Variants in METTL17 observed in about 807,000 individuals in gnomAD.
The protein encoded by METTL17 is methyltransferase like 17.
Under a neutral mutation model 59.4 loss-of-function variants are expected in METTL17, and 49 were observed. That is an observed-to-expected ratio of 0.82 (90% CI 0.66 to 1.05). METTL17 has a LOEUF of 1.05. Among genes scored for constraint, METTL17 ranks in the 50% least tolerant of loss-of-function variants. The pLI, the probability that METTL17 is intolerant of heterozygous loss-of-function variation, is 0.00. For missense variants in METTL17, 555 were observed against 578.4 expected (o/e 0.96, Z 0.41); for synonymous variants, 208 against 209.2 (o/e 0.99, Z 0.05).
rs746844600 is a variant in METTL17, at chr14:20,992,618, A to G, written c.524A>G (p.His175Arg). 1.7e-5 allele frequency: 28 copies of G among 1,613,190 alleles called. No individual in the cohort carries two copies. Among genetic ancestry groups the G allele is most frequent in the East Asian group, 8.9e-5 (4 of 44,890 alleles). The change falls in exon 5 of 14, where the codon CAT (histidine) becomes CGT (arginine). Residue 175 changes from histidine (H) to arginine (R), a missense_variant. Coordinates refer to ENST00000339374, the MANE Select transcript of METTL17 (RefSeq NM_022734.3). ...TTTGCAGCAGTCTCCAGAGCATTCC[A>G]TGAGGTGAAAGTCCCTTAACTTCCA... ...GGFAAVSRAF[H>R]EIRARNPAFQ...
intron 5 of METTL17, 125 bp from the exon 6 acceptor site, chr14:20,992,993 T>C (rs1880120836): frequency 1.3e-6 from 1 of 797,964 alleles, no homozygotes; most frequent in African/African-American, 1.7e-5. Context: ...CCATAAGGTA[T>C]TTGTATTGAA....
At chr14:20,994,462 G>A (rs1880239771) in intron 7 of METTL17, 81 bp from the exon 8 acceptor site, 4 of 1,184,504 alleles carry the variant, frequency 3.4e-6, no homozygotes, top group Non-Finnish European at 3.8e-6. Context: ...TATTCTTGGG[G>A]CCATGTTTCT....
chr14:20,995,709 C>T, intron 10 of METTL17, 192 bp from the exon 11 acceptor site: 1 of 584,044 alleles, frequency 1.7e-6, no homozygotes, highest in Non-Finnish European at 3.1e-6. Flanking sequence ...CAAGTTCTTG[C>T]CTTTCTCCTG....
At chr14:20,994,130 T>C in intron 7 of METTL17, 67 bp downstream of exon 7, 3 of 1,175,256 alleles carry the variant, frequency 2.6e-6, no homozygotes, top group Non-Finnish European at 3.8e-6. Flanking sequence ...TAAAAGTGTT[T>C]TACTGGGAAG....
Position 20,995,915 on chromosome 14 carries a change from A to G in METTL17, c.960A>G (p.Ser320=), listed in dbSNP as rs150965334. 127 of 1,614,014 alleles carry G rather than the reference A, an allele frequency of 7.9e-5. 1 individual carries two copies. Among genetic ancestry groups the G allele is most frequent in the East Asian group, 1.3e-4 (6 of 44,876 alleles). ...TTTGATTTCAGGGAAAAGAGAAGTC[A>G]CCTTTGGACCCTCGACCTGGTTTTG... ...RDLVLKGKEK[S]PLDPRPGFVF... is the part of the protein sequence containing the mutation. Residue 320 remains serine, a synonymous_variant, in exon 11 of 14, where the codon TCA becomes TCG. Coordinates refer to ENST00000339374, the MANE Select transcript of METTL17 (RefSeq NM_022734.3).
chr14:20,990,244 A>T lies in METTL17; in HGVS notation c.90A>T (p.Leu30Phe). Residue 30 changes from leucine to phenylalanine, a missense_variant, in exon 2 of 14, where the codon TTA (leucine) becomes TTT (phenylalanine). Leu to Phe is a conservative substitution (Grantham distance 22, BLOSUM62 0). Transcript: ENST00000339374. Reference sequence around the variant, plus strand: ...TCTGCCTGCAGGCGCTCGCCGCCTTAGTACCCGGAGTGACCCAGGTAGATA... The same window carrying T: ...TCTGCCTGCAGGCGCTCGCCGCCTTTGTACCCGGAGTGACCCAGGTAGATA... ...VAPQARALAA[L>F]VPGVTQVDNK... 6.2e-7 allele frequency: 1 copy of T among 1,614,214 alleles called. No homozygotes were observed. Among genetic ancestry groups the T allele is most frequent in the Admixed American group, 1.7e-5 (1 of 60,034 alleles).
intron 7 of METTL17, 96 bp from the exon 8 acceptor site, chr14:20,994,447 T>G: frequency 9.5e-7 from 1 of 1,048,414 alleles, no homozygotes; most frequent in South Asian, 1.3e-5. Context: ...GATATACACT[T>G]TACCTATTCT....
chr14:20,993,387 T>TA, intron 6 of METTL17, 196 bp downstream of exon 6: 1 of 486,528 alleles, frequency 2.1e-6, no homozygotes, highest in Non-Finnish European at 3.6e-6. Context: ...AAATGTCAAG[T>TA]AAAAAAAGGC....
chr14:20,990,527 A>T lies in METTL17; in HGVS notation c.293A>T (p.His98Leu), dbSNP rs1425035567. The T allele has an allele frequency of 5.0e-6, 8 of 1,614,238 alleles. No individual in the cohort carries two copies. Among genetic ancestry groups the T allele is most frequent in the Non-Finnish European group, 6.8e-6 (8 of 1,180,046 alleles). The change falls in exon 3 of 14, where the codon CAT (histidine) becomes CTT (leucine). Residue 98 changes from histidine (H) to leucine (L), a missense_variant. By Grantham distance (99) the His-to-Leu change is moderately conservative. Coordinates refer to ENST00000339374, the MANE Select transcript of METTL17 (RefSeq NM_022734.3). Reference protein sequence around the residue: ...QTLTSYLWSRHLPVEPEELQR... With the variant: ...QTLTSYLWSRLLPVEPEELQR... ...CTGACCAGTTATCTCTGGAGCAGACATTTGCCTGTAGAGCCAGAGGAGTTG... is the reference window on the plus strand; with the variant it reads ...CTGACCAGTTATCTCTGGAGCAGACTTTTGCCTGTAGAGCCAGAGGAGTTG...
At position 20,994,179 on chromosome 14, in the gene METTL17, T is replaced by C. The variant is rs970280642; in HGVS notation, c.697+116T>C. On this transcript the variant is annotated intron_variant, in intron 7 of 13. Coordinates refer to ENST00000339374, the MANE Select transcript of METTL17 (RefSeq NM_022734.3). ...AAAAATTAAGATGAATCTGGTTTAC[T>C]TTTAAAGTTATAGTCAAGCAAAGGG... 9.2e-6 allele frequency: 7 copies of C among 759,588 alleles called. No individual in the cohort carries two copies. In the African/African-American group the frequency reaches 1.2e-4, roughly 13 times the overall value. The allele number at this position is 759,588 out of a possible 1,614,324, so 47.1% of individuals were successfully genotyped here.
intron 3 of METTL17, 119 bp downstream of exon 3, chr14:20,990,717 G>A: frequency 7.7e-7 from 1 of 1,300,056 alleles, no homozygotes; most frequent in South Asian, 1.5e-5. Context: ...TTTCTAACCA[G>A]AGCAGCAGTT....
rs1265490452 is a variant in METTL17 at position 20,992,181 on chromosome 14, C to G, written c.422C>G (p.Thr141Ser). ...GCAGTGCTACACGCACTACGTAAAA[C>G]TACCTACCATTGGCAAGAACTGAGG... Reference protein sequence around the residue: ...RGAVLHALRKTTYHWQELSYT... With the variant: ...RGAVLHALRKSTYHWQELSYT... The change falls in exon 4 of 14, where the codon ACT becomes AGT. Residue 141 changes from threonine to serine, a missense_variant. Coordinates refer to ENST00000339374, the MANE Select transcript of METTL17 (RefSeq NM_022734.3). The G allele has an allele frequency of 6.2e-7, 1 of 1,609,426 alleles. No homozygotes were observed. The highest frequency in any genetic ancestry group is 8.5e-7 in the Non-Finnish European group (1 of 1,178,564).
At position 20,996,909 on chromosome 14, in the gene METTL17, A is replaced by ATTTTC; in HGVS notation, c.*22_*26dup. On this transcript the variant is annotated 3_prime_UTR_variant, in exon 14 of 14. Coordinates refer to ENST00000339374, the MANE Select transcript of METTL17 (RefSeq NM_022734.3). ...GAGTTGATGAGGATGTGTAACAAGT[A>ATTTTC]TTTTCTTCTATCGTGCCTGCCAGGG... 1 of 1,589,784 alleles carries ATTTTC rather than the reference A, an allele frequency of 6.3e-7. No individual in the cohort carries two copies. Among genetic ancestry groups the ATTTTC allele is most frequent in the Non-Finnish European group, 8.6e-7 (1 of 1,166,796 alleles).
In METTL17 at chr14:20,996,188, C is replaced by T. The variant is rs201156595; in HGVS notation, c.997-21C>T. On this transcript the variant is annotated intron_variant, in intron 11 of 13. Coordinates refer to ENST00000339374, the MANE Select transcript of METTL17 (RefSeq NM_022734.3). Reference sequence around the variant, plus strand: ...GATTGATGGCTCTTTTGTCTTACCTCATTTTTTTATGTGTTCACAGTGTCC... The same window carrying T: ...GATTGATGGCTCTTTTGTCTTACCTTATTTTTTTATGTGTTCACAGTGTCC... 62 of 1,608,104 alleles carry T rather than the reference C, an allele frequency of 3.9e-5. No homozygotes were observed. In the African/African-American group the frequency reaches 6.6e-4, roughly 17 times the overall value.
At chr14:20,993,707 T>TCA (rs781756195) in intron 6 of METTL17, 8 of 266,110 alleles carry the variant, frequency 3.0e-5, no homozygotes, top group Admixed American at 1.0e-4. Context: ...ACTCCTGACC[T>TCA]TGTGATCCGC....
chr14:20,994,842 A>T lies in METTL17; in HGVS notation c.817A>T (p.Ser273Cys), dbSNP rs1880264040. 6.2e-7 allele frequency: 1 copy of T among 1,614,190 alleles called. No homozygotes were observed. The highest frequency in any genetic ancestry group is 1.7e-5 in the Admixed American group (1 of 60,020). ...VSAFSLSELP[S>C]KADRTEVVQT... Reference sequence around the variant, plus strand: ...AGCTTTTTCCTTAAGTGAACTGCCCAGCAAGGCTGACCGCACTGAGGTAGT... The same window carrying T: ...AGCTTTTTCCTTAAGTGAACTGCCCTGCAAGGCTGACCGCACTGAGGTAGT... Residue 273 changes from serine (S) to cysteine (C), a missense_variant, in exon 9 of 14, where the codon AGC (serine) becomes TGC (cysteine). Coordinates refer to ENST00000339374, the MANE Select transcript of METTL17 (RefSeq NM_022734.3).
In METTL17 at chr14:20,996,544, A is replaced by G. The variant is rs765003620; in HGVS notation, c.1098A>G (p.Glu366=). 1.2e-6 allele frequency: 2 copies of G among 1,610,882 alleles called. No homozygotes were observed. Among genetic ancestry groups the G allele is most frequent in the South Asian group, 1.1e-5 (1 of 91,008 alleles). Residue 366 remains glutamate (E), a synonymous_variant, in exon 13 of 14, where the codon GAA becomes GAG. Transcript: ENST00000339374. ...IPFSWNKKPK[E]EKFSMVILAR... ...TATCTTAGAACAAGAAACCAAAGGA[A>G]GAAAAGTTCTCTATGGTGATCCTTG... is the stretch of plus-strand genomic sequence containing the variant.
At position 20,990,055 on chromosome 14, in the gene METTL17, T is replaced by G; in HGVS notation, c.53T>G (p.Leu18Arg). Residue 18 changes from leucine (L) to arginine (R), a missense_variant, in exon 1 of 14, where the codon CTT (leucine) becomes CGT (arginine). By Grantham distance (102) the Leu-to-Arg change is moderately radical. Coordinates refer to ENST00000339374, the MANE Select transcript of METTL17 (RefSeq NM_022734.3). ...LLTLGRWCPG[L>R]GVAPQARALA... Reference sequence around the variant, plus strand: ...ACATTAGGAAGATGGTGCCCCGGCCTTGGAGTGGCTCCCCAGGCCCGGGTG... The same window carrying G: ...ACATTAGGAAGATGGTGCCCCGGCCGTGGAGTGGCTCCCCAGGCCCGGGTG... The G allele has an allele frequency of 6.2e-7, 1 of 1,613,450 alleles. No individual in the cohort carries two copies. Among genetic ancestry groups the G allele is most frequent in the South Asian group, 1.1e-5 (1 of 91,082 alleles).
In METTL17 at chr14:20,992,450, C is replaced by T. The variant is rs561846405; in HGVS notation, c.447-91C>T. 5.4e-5 allele frequency: 59 copies of T among 1,091,640 alleles called. No individual in the cohort carries two copies. The South Asian group carries it at 7.6e-4, about 14-fold the overall frequency. The allele number at this position is 1,091,640 out of a possible 1,614,324, so 67.6% of individuals were successfully genotyped here. A position where few individuals can be genotyped will look rare whatever the true frequency, so the allele number is the denominator to read the frequency against. On this transcript the variant is annotated intron_variant, in intron 4 of 13. Coordinates refer to ENST00000339374, the MANE Select transcript of METTL17 (RefSeq NM_022734.3). Reference sequence around the variant, plus strand: ...AGTGAAAGGCCTGAGCTGGAAGAGCCCTTTCCAAGATGTCATTTTCTAAAT... The same window carrying T: ...AGTGAAAGGCCTGAGCTGGAAGAGCTCTTTCCAAGATGTCATTTTCTAAAT...
Sources: gnomAD v4.1 joint callset for allele counts on GRCh38, gnomAD v4.1.1 for gene constraint, MANE v1.5 for transcripts, NCBI Gene and HGNC (gene_info 2026-07-23, HGNC 2026-07-21) for gene names.